Variants in RORA observed in about 807,000 individuals in gnomAD.
RORA encodes the protein RAR related orphan receptor A.
In RORA, 7 loss-of-function variants were observed where a neutral mutation model predicts 69.5. That is an observed-to-expected ratio of 0.10 (90% CI 0.06 to 0.19). RORA has a LOEUF of 0.19. Ranked by LOEUF, RORA falls within the 10% of genes least tolerant of loss-of-function variation. The pLI is 1.00. For synonymous variants in RORA, 261 were observed against 240.8 expected (o/e 1.08, Z -0.78); for missense variants, 457 against 663.0 (o/e 0.69, Z 3.41).
chr15:60,859,651 C>CA (rs2073417311), intron 1 of RORA, among the ~76,000 whole-genome samples: 1 of 96,424 alleles, frequency 1.0e-5, no homozygotes, highest in Non-Finnish European at 2.0e-5. Context: ...TTCTTTCTTT[C>CA]TTTCTTTTTT....
At chr15:60,682,009 G>A (rs571308701) in intron 1 of RORA, 1 of 152,292 alleles carries the variant, frequency 6.6e-6, no homozygotes, top group East Asian at 1.9e-4. Flanking sequence ...ACTAGATCTG[G>A]AGTCAAGCTG....
At chr15:61,133,082 C>T (rs553600131) in intron 1 of RORA, among the ~76,000 whole-genome samples, 2 of 151,760 alleles carry the variant, frequency 1.3e-5, no homozygotes, top group African/African-American at 4.8e-5. Flanking sequence ...ACTGTAAATA[C>T]TAGAAAATGT....
intron 2 of RORA, among the ~76,000 whole-genome samples, chr15:60,586,733 G>A (rs537595295): frequency 1.3e-5 from 2 of 152,256 alleles, no homozygotes; most frequent in East Asian, 3.9e-4. Flanking sequence ...AATATTGTGG[G>A]CAGGGTCCAA....
chr15:60,493,701 A>T lies in RORA; in HGVS notation c.*3754T>A, dbSNP rs2065094389. ...TTACTTTCTTTCTTTGTTTCACATT[A>T]CAAAATCTTTTTTTCTTTACACAAA... On this transcript the variant is annotated 3_prime_UTR_variant, in exon 11 of 11. Coordinates refer to ENST00000335670, the MANE Select transcript of RORA (RefSeq NM_134261.3). 6.6e-6 allele frequency: 1 copy of T among 151,834 alleles called. No individual in the cohort carries two copies. Among genetic ancestry groups the T allele is most frequent in the African/African-American group, 2.4e-5 (1 of 41,320 alleles). The allele number at this position is 151,834 out of a possible 1,614,324, so 9.4% of individuals were successfully genotyped here. A position where few individuals can be genotyped will look rare whatever the true frequency, so the allele number is the denominator to read the frequency against.
At chr15:60,967,405 A>G (rs1231479977) in intron 1 of RORA, among the ~76,000 whole-genome samples, 2 of 152,198 alleles carry the variant, frequency 1.3e-5, no homozygotes, top group Non-Finnish European at 1.5e-5. Context: ...ATGTGACAAC[A>G]TCGAATGGAG....
At chr15:60,812,244 C>A (rs1173240913) in intron 1 of RORA, among the ~76,000 whole-genome samples, 1 of 152,192 alleles carries the variant, frequency 6.6e-6, no homozygotes, top group East Asian at 1.9e-4. Flanking sequence ...TGCCTCACAC[C>A]TGTAATCCCA....
At chr15:60,935,476 A>G (rs1023077050) in intron 1 of RORA, among the ~76,000 whole-genome samples, 3 of 152,240 alleles carry the variant, frequency 2.0e-5, no homozygotes, top group Admixed American at 6.5e-5. Flanking sequence ...TTATAAAAAT[A>G]GAACATGAAT....
At chr15:61,202,192 A>G (rs1210371223) in intron 1 of RORA, among the ~76,000 whole-genome samples, 1 of 151,696 alleles carries the variant, frequency 6.6e-6, no homozygotes, top group Non-Finnish European at 1.5e-5. Flanking sequence ...TTGTATTTTT[A>G]GTAGAGATGG....
chr15:60,592,464 C>T lies in RORA; in HGVS notation c.197-60613G>A, dbSNP rs558533152. 159 of 1,381,538 alleles carry T rather than the reference C, an allele frequency of 1.2e-4. 1 individual carries two copies. In the African/African-American group the frequency reaches 2.3e-3, roughly 20 times the overall value. 85.6% of individuals were successfully genotyped at this position (1,381,538 alleles called of 1,614,324 possible). A position where few individuals can be genotyped will look rare whatever the true frequency, so the allele number is the denominator to read the frequency against. ...GCAGGGAGAGCGGATGGTCCGACCC[C>T]GGAGCCCCCTCTGCCGCCGCCGCGC... On this transcript the variant is annotated intron_variant, in intron 2 of 10. Transcript: ENST00000335670.
intron 1 of RORA, among the ~76,000 whole-genome samples, chr15:61,071,082 T>G (rs1470718513): frequency 1.3e-5 from 2 of 150,628 alleles, no homozygotes; most frequent in Non-Finnish European, 2.9e-5. Flanking sequence ...TTTGATACAC[T>G]TATCCTTTTT....
chr15:60,722,909 A>C (rs1022261849), intron 1 of RORA, among the ~76,000 whole-genome samples: 2 of 152,154 alleles, frequency 1.3e-5, no homozygotes, highest in Non-Finnish European at 2.9e-5. Flanking sequence ...GTCAGGGTGC[A>C]GTGAGTCAGG....
Position 60,511,131 on chromosome 15 carries a change from C to A in RORA, c.820+95G>T. The A allele has an allele frequency of 3.0e-6, 4 of 1,346,608 alleles. No homozygotes were observed. Among genetic ancestry groups the A allele is most frequent in the Non-Finnish European group, 2.0e-6 (2 of 983,178 alleles). The allele number at this position is 1,346,608 out of a possible 1,614,324, so 83.4% of individuals were successfully genotyped here. A position where few individuals can be genotyped will look rare whatever the true frequency, so the allele number is the denominator to read the frequency against. On this transcript the variant is annotated intron_variant, in intron 5 of 10. Coordinates refer to ENST00000335670, the MANE Select transcript of RORA (RefSeq NM_134261.3). The surrounding 1 kb of genome is among the most constrained non-coding windows in gnomAD (Gnocchi z 6.4). ...CCCAAATGGTAAAGGTGAATTGCAT[C>A]ATTTAGCAGAACTCATTAGAGGAAA...
chr15:60,786,186 G>A (rs974745970), intron 1 of RORA, among the ~76,000 whole-genome samples: 5 of 152,214 alleles, frequency 3.3e-5, no homozygotes, highest in African/African-American at 1.2e-4. Context: ...GGCTGTATCA[G>A]TGTACAGGAG....
chr15:61,038,752 G>C (rs1896590057), intron 1 of RORA: 1 of 152,214 alleles, frequency 6.6e-6, no homozygotes, highest in African/African-American at 2.4e-5. Flanking sequence ...TTATGATACT[G>C]ATGGCAGAGA....
intron 3 of RORA, among the ~76,000 whole-genome samples, chr15:60,517,226 G>T (rs2065994976): frequency 6.6e-6 from 1 of 151,324 alleles, no homozygotes; most frequent in African/African-American, 2.4e-5. Context: ...CCAAGTTGAT[G>T]TATATGACCT....
rs2065186013 is a variant in RORA at position 60,497,081 on chromosome 15, G to A, written c.*374C>T. 1 of 172,912 alleles carries A rather than the reference G, an allele frequency of 5.8e-6. No individual in the cohort carries two copies. The highest frequency in any genetic ancestry group is 1.2e-5 in the Non-Finnish European group (1 of 81,278). 10.7% of individuals were successfully genotyped at this position (172,912 alleles called of 1,614,324 possible). ...CTATGCACACCAGTCACCGATTATT[G>A]CTGGACTCTCTGTTGTTACTGACAG... On this transcript the variant is annotated 3_prime_UTR_variant, in exon 11 of 11. Coordinates refer to ENST00000335670, the MANE Select transcript of RORA (RefSeq NM_134261.3).
intron 1 of RORA, among the ~76,000 whole-genome samples, chr15:60,958,257 A>G (rs1893324176): frequency 6.6e-6 from 1 of 152,180 alleles, no homozygotes; most frequent in Non-Finnish European, 1.5e-5. Context: ...GATTCAAATT[A>G]CCTGAGCCTT....
At chr15:60,527,527 C>T (rs1361541195) in intron 3 of RORA, among the ~76,000 whole-genome samples, 3 of 152,188 alleles carry the variant, frequency 2.0e-5, no homozygotes, top group African/African-American at 7.2e-5. Context: ...TCACGTTATG[C>T]CCCCTCATCA....
intron 1 of RORA, among the ~76,000 whole-genome samples, chr15:60,770,640 C>T (rs969355449): frequency 6.6e-6 from 1 of 152,132 alleles, no homozygotes; most frequent in Non-Finnish European, 1.5e-5. Context: ...GAGACCCAGT[C>T]TCATTTTGTT....
Sources: allele counts gnomAD v4.1 joint callset (sites outside exome capture counted in the v4.1 genomes callset), GRCh38; gene constraint gnomAD v4.1.1; non-coding constraint Gnocchi (gnomAD v3.1); transcripts MANE v1.5; gene names NCBI Gene and HGNC (gene_info 2026-07-23, HGNC 2026-07-21).